NAALADL2: variants seen among roughly 807,000 people sequenced by gnomAD.
NAALADL2 encodes the protein N-acetylated alpha-linked acidic dipeptidase like 2.
NAALADL2 carries 76 observed loss-of-function variants against 87.2 expected under a neutral mutation model. The observed-to-expected ratio is 0.87, with a 90% CI of 0.72 to 1.05. The LOEUF (loss-of-function observed/expected upper bound fraction) is 1.05. Ranked by LOEUF, NAALADL2 falls within the 50% of genes least tolerant of loss-of-function variation. The pLI is 0.00. For synonymous variants in NAALADL2, 354 were observed against 331.0 expected (o/e 1.07, Z -0.75); for missense variants, 1,089 against 945.8 (o/e 1.15, Z -1.99).
chr3:175,382,395 A>C (rs1767889427), intron 5 of NAALADL2, among the ~76,000 whole-genome samples: 1 of 151,864 alleles, frequency 6.6e-6, no homozygotes, highest in African/African-American at 2.4e-5. Flanking sequence ...GTTTTTTTAA[A>C]TATGTTTTGA....
intron 1 of NAALADL2, among the ~76,000 whole-genome samples, chr3:174,994,807 A>G (rs1427866005): frequency 6.6e-6 from 1 of 152,138 alleles, no homozygotes; most frequent in South Asian, 2.1e-4. Context: ...TTTTTAATAT[A>G]TTTTTCAAAG....
intron 2 of NAALADL2, among the ~76,000 whole-genome samples, chr3:175,205,469 C>G (rs1279595157): frequency 2.6e-5 from 4 of 152,126 alleles, no homozygotes; most frequent in African/African-American, 9.7e-5. Context: ...GTACCTAAAT[C>G]TAAGATGTGA....
chr3:175,557,094 C>G (rs1715403179), intron 9 of NAALADL2, among the ~76,000 whole-genome samples: 1 of 152,198 alleles, frequency 6.6e-6, no homozygotes, highest in Admixed American at 6.5e-5. Flanking sequence ...CAGACATTCT[C>G]TAAGACTAGA....
rs147556453 is a variant in NAALADL2 at position 175,184,113 on chromosome 3, T to C, written c.546-49818T>C. ...CTATGATTGATGATGTCTCTCCATG[T>C]TCTTAGGAAGTTCCTTTGACATTCT... On this transcript the variant is annotated intron_variant, in intron 2 of 13. Coordinates refer to ENST00000454872, the MANE Select transcript of NAALADL2 (RefSeq NM_207015.3). Among the ~76,000 whole-genome samples, 604 of 152,256 alleles carry C rather than the reference T, an allele frequency of 4.0e-3. 3 individuals carry two copies. Among genetic ancestry groups the C allele is most frequent in the African/African-American group, 0.013 (561 of 41,572 alleles).
intron 13 of NAALADL2, 104 bp downstream of exon 13, chr3:175,755,522 A>G: frequency 1.3e-6 from 1 of 784,348 alleles, no homozygotes; most frequent in Non-Finnish European, 1.8e-6. Context: ...AGTGTAAAAG[A>G]AATTATAAAG....
chr3:174,531,766 A>G (rs2108442179), intron 1 of NAALADL2, among the ~76,000 whole-genome samples: 1 of 152,290 alleles, frequency 6.6e-6, no homozygotes, highest in South Asian at 2.1e-4. Context: ...AGTGTGTGTT[A>G]ATCATTATTT....
At chr3:175,657,175 A>C (rs1003968910) in intron 11 of NAALADL2, among the ~76,000 whole-genome samples, 1 of 152,186 alleles carries the variant, frequency 6.6e-6, no homozygotes, top group Non-Finnish European at 1.5e-5. Context: ...TGATTTCATC[A>C]TTCTAAGTTC....
rs1211431311 is a variant in NAALADL2 at position 175,422,626 on chromosome 3, G to A, written c.1091-24603G>A. On this transcript the variant is annotated intron_variant, in intron 5 of 13. Transcript: ENST00000454872. ...TGTTGAATAAGCATTAAACCAGAAC[G>A]TGATGTGCATCACAGGCAATCTGCT... 4.0e-5 allele frequency among the ~76,000 whole-genome samples: 6 copies of A among 151,760 alleles called. No homozygotes were observed. The South Asian group carries it at 8.3e-4, about 21-fold the overall frequency.
At chr3:175,527,053 G>GC (rs560217542) in intron 9 of NAALADL2, among the ~76,000 whole-genome samples, 4 of 152,244 alleles carry the variant, frequency 2.6e-5, no homozygotes, top group African/African-American at 9.6e-5. Flanking sequence ...AATGAATGGA[G>GC]CCTGAGGGCT....
intron 3 of NAALADL2, among the ~76,000 whole-genome samples, chr3:174,798,843 TA>T (rs1320693918): frequency 7.2e-5 from 11 of 152,166 alleles, no homozygotes; most frequent in African/African-American, 2.7e-4. Flanking sequence ...TGGATTTTTT[TA>T]TATGCAAGAT....
intron 4 of NAALADL2, among the ~76,000 whole-genome samples, chr3:175,297,264 G>A (rs1056417135): frequency 2.6e-5 from 4 of 152,168 alleles, no homozygotes; most frequent in African/African-American, 7.2e-5. Flanking sequence ...AGGTAACTAA[G>A]TGTTCAACAT....
intron 2 of NAALADL2, among the ~76,000 whole-genome samples, chr3:174,587,689 T>A: frequency 6.6e-6 from 1 of 152,222 alleles, no homozygotes; most frequent in Non-Finnish European, 1.5e-5. Context: ...TCTTTAAGAA[T>A]GTTGAGTATT....
intron 3 of NAALADL2, among the ~76,000 whole-genome samples, chr3:174,761,561 G>C (rs1244022113): frequency 6.6e-6 from 1 of 152,082 alleles, no homozygotes; most frequent in Non-Finnish European, 1.5e-5. Flanking sequence ...AACCAAGAGA[G>C]TATAAAGGAT....
intron 2 of NAALADL2, among the ~76,000 whole-genome samples, chr3:174,606,435 G>A (rs1020949276): frequency 6.6e-6 from 1 of 152,116 alleles, no homozygotes. Context: ...AAATTTAGAC[G>A]AATGTATAAC....
chr3:174,658,403 C>T (rs112448940), intron 2 of NAALADL2, among the ~76,000 whole-genome samples: 1 of 152,198 alleles, frequency 6.6e-6, no homozygotes, highest in Non-Finnish European at 1.5e-5. Context: ...GCTTATTGGC[C>T]ATGTGTGTCT....
chr3:174,470,900 T>C (rs1440169713), intron 1 of NAALADL2, among the ~76,000 whole-genome samples: 3 of 152,202 alleles, frequency 2.0e-5, no homozygotes, highest in Non-Finnish European at 4.4e-5. Context: ...GTTTTAATGC[T>C]TCCTTTTTGT....
At chr3:174,797,921 G>A (rs1451348462) in intron 3 of NAALADL2, among the ~76,000 whole-genome samples, 1 of 152,062 alleles carries the variant, frequency 6.6e-6, no homozygotes, top group African/African-American at 2.4e-5. Flanking sequence ...TATCTAAGAA[G>A]CCATTGCTTT....
At chr3:175,601,241 A>C (rs1201768399) in intron 10 of NAALADL2, among the ~76,000 whole-genome samples, 1 of 152,176 alleles carries the variant, frequency 6.6e-6, no homozygotes, top group Non-Finnish European at 1.5e-5. Flanking sequence ...AATGTTTTAA[A>C]CTAATTAAAA....
At chr3:174,655,222 A>G (rs1286787343) in intron 2 of NAALADL2, among the ~76,000 whole-genome samples, 1 of 152,262 alleles carries the variant, frequency 6.6e-6, no homozygotes, top group African/African-American at 2.4e-5. Flanking sequence ...TATTTGGAAC[A>G]TGAACAACAG....
Sources: allele counts gnomAD v4.1 joint callset (sites outside exome capture counted in the v4.1 genomes callset), GRCh38; gene constraint gnomAD v4.1.1; transcripts MANE v1.5; gene names NCBI Gene and HGNC (gene_info 2026-07-23, HGNC 2026-07-21).